HAUS2: variants seen among roughly 807,000 people sequenced by gnomAD.
HAUS2 encodes HAUS augmin-like complex subunit 2.
In HAUS2, 20 loss-of-function variants were observed where a neutral mutation model predicts 21.6. The observed-to-expected ratio is 0.93, with a 90% confidence interval of 0.65 to 1.35. HAUS2 has a LOEUF of 1.35. Ranked by LOEUF, HAUS2 falls within the 40% of genes most tolerant of loss-of-function variation. HAUS2 has a pLI of 0.00. For synonymous variants in HAUS2, 113 were observed against 95.6 expected (o/e 1.18, Z -1.06); for missense variants, 297 against 280.7 (o/e 1.06, Z -0.42).
Position 42,561,318 on chromosome 15 carries a change from T to C in HAUS2, c.305T>C (p.Val102Ala). Residue 102 changes from valine (V) to alanine (A), a missense_variant, in exon 4 of 6, where the codon GTG (valine) becomes GCG (alanine). Transcript: ENST00000260372. ...LQSMNNHLEA[V>A]LKEKRSLRQR... Reference sequence around the variant, plus strand: ...AGCATGAATAATCATTTGGAAGCAGTGCTGAAAGAGAAGAGATCCCTTAGG... The same window carrying C: ...AGCATGAATAATCATTTGGAAGCAGCGCTGAAAGAGAAGAGATCCCTTAGG... 6.4e-7 allele frequency: 1 copy of C among 1,568,124 alleles called. No individual in the cohort carries two copies. Among genetic ancestry groups the C allele is most frequent in the Non-Finnish European group, 8.8e-7 (1 of 1,138,062 alleles).
In HAUS2 at chr15:42,566,912, T is replaced by C; in HGVS notation, c.*96T>C. On this transcript the variant is annotated 3_prime_UTR_variant, in exon 6 of 6. Transcript: ENST00000260372. ...TATTAATAGTCTTTGCTGCTGGTAA[T>C]ACTGAAAGAACCTGCTTTATATTGG... The C allele has an allele frequency of 1.6e-6, 1 of 638,616 alleles. No individual in the cohort carries two copies. The highest frequency in any genetic ancestry group is 1.9e-5 in the South Asian group (1 of 51,872). 39.6% of individuals were successfully genotyped at this position (638,616 alleles called of 1,614,324 possible). A position where few individuals can be genotyped will look rare whatever the true frequency, so the allele number is the denominator to read the frequency against.
intron 2 of HAUS2, among the ~76,000 whole-genome samples, chr15:42,558,736 C>T (rs1181825432): frequency 6.6e-6 from 1 of 151,938 alleles, no homozygotes; most frequent in Non-Finnish European, 1.5e-5. Flanking sequence ...GGTGGGAGGA[C>T]TGCTTGAGCC....
At chr15:42,560,333 G>A (rs1418249044) in intron 3 of HAUS2, among the ~76,000 whole-genome samples, 1 of 151,770 alleles carries the variant, frequency 6.6e-6, no homozygotes, top group East Asian at 1.9e-4. Context: ...ACGTTTTACA[G>A]GTAAAAAATA....
chr15:42,569,925 GTTGT>G lies in HAUS2; in HGVS notation c.*3112_*3115del, dbSNP rs2057944951. On this transcript the variant is annotated 3_prime_UTR_variant, in exon 6 of 6. Transcript: ENST00000260372. ...TATGTCACAAATATTGATATGCCTG[GTTGT>G]TTATTTTTGTTTTCTATTATGCCTT... is the stretch of plus-strand genomic sequence containing the variant. The G allele has an allele frequency of 2.0e-5, 3 of 152,002 alleles. No homozygotes were observed. Among genetic ancestry groups the G allele is most frequent in the Admixed American group, 1.3e-4 (2 of 15,272 alleles). The allele number at this position is 152,002 out of a possible 1,614,324, so 9.4% of individuals were successfully genotyped here.
intron 4 of HAUS2, 184 bp downstream of exon 4, chr15:42,561,586 G>A: frequency 2.1e-6 from 1 of 476,886 alleles, no homozygotes; most frequent in Non-Finnish European, 3.7e-6. Flanking sequence ...ATGGCAAAAA[G>A]GAAGAACTTG....
Position 42,563,771 on chromosome 15 carries a change from T to C in HAUS2, c.412T>C (p.Leu138=), listed in dbSNP as rs373576114. The C allele has an allele frequency of 1.5e-5, 23 of 1,563,102 alleles. No homozygotes were observed. Among genetic ancestry groups the C allele is most frequent in the Non-Finnish European group, 1.9e-5 (22 of 1,137,348 alleles). The part of the protein sequence containing the change: ...YHRYMVHLLE[L]AVTFIERLET... ...CAGATATATGGTACATTTGCTGGAGTTGGCTGTGACTTTCATTGAGAGATT... is the reference window on the plus strand; with the variant it reads ...CAGATATATGGTACATTTGCTGGAGCTGGCTGTGACTTTCATTGAGAGATT... The change falls in exon 5 of 6, where the codon TTG becomes CTG. Residue 138 remains leucine, a synonymous_variant. Transcript: ENST00000260372.
At chr15:42,566,030 G>A (rs2057902125) in intron 5 of HAUS2, among the ~76,000 whole-genome samples, 1 of 152,004 alleles carries the variant, frequency 6.6e-6, no homozygotes, top group African/African-American at 2.4e-5. Context: ...GTGAAACCCC[G>A]TCTCTACTAA....
At position 42,567,119 on chromosome 15, in the gene HAUS2, G is replaced by A. The variant is rs1480247210; in HGVS notation, c.*303G>A. On this transcript the variant is annotated 3_prime_UTR_variant, in exon 6 of 6. Transcript: ENST00000260372. ...CTTTTTTTAAAAATGTGTGTTTATCGTCTGGTGTGGTGGCTCACACCTGTA... is the reference window on the plus strand; with the variant it reads ...CTTTTTTTAAAAATGTGTGTTTATCATCTGGTGTGGTGGCTCACACCTGTA... 12 of 252,770 alleles carry A rather than the reference G, an allele frequency of 4.7e-5. No homozygotes were observed. The highest frequency in any genetic ancestry group is 1.3e-4 in the South Asian group (3 of 22,592). The allele number at this position is 252,770 out of a possible 1,614,324, so 15.7% of individuals were successfully genotyped here. A position where few individuals can be genotyped will look rare whatever the true frequency, so the allele number is the denominator to read the frequency against.
At chr15:42,549,119 G>A (rs1474977372) in intron 1 of HAUS2, among the ~76,000 whole-genome samples, 154 bp downstream of exon 1, 1 of 152,238 alleles carries the variant, frequency 6.6e-6, no homozygotes, top group Non-Finnish European at 1.5e-5. Flanking sequence ...AGCCGCGAAC[G>A]TTCTGCCGTG....
chr15:42,558,666 A>G (rs908562605), intron 2 of HAUS2, among the ~76,000 whole-genome samples: 1 of 151,880 alleles, frequency 6.6e-6, no homozygotes, highest in East Asian at 2.0e-4. Flanking sequence ...GGAAAACAAA[A>G]ACAAAAGTTG....
rs1254187333 is a variant in HAUS2, at chr15:42,563,416, A to C, written c.390-333A>C. On this transcript the variant is annotated intron_variant, in intron 4 of 5. Coordinates refer to ENST00000260372, the MANE Select transcript of HAUS2 (RefSeq NM_018097.3). ...ACATAGCAAGACTCCATCTCAAAAA[A>C]AAAAAAAAAAAAAGAAAAGAAAATG... is the stretch of plus-strand genomic sequence containing the variant. 7.5e-5 allele frequency among the ~76,000 whole-genome samples: 11 copies of C among 146,646 alleles called. No homozygotes were observed. In the East Asian group the frequency reaches 2.1e-3, roughly 28 times the overall value.
chr15:42,560,823 A>G (rs990903029), intron 3 of HAUS2: 3 of 702,034 alleles, frequency 4.3e-6, no homozygotes, highest in Admixed American at 2.0e-5. Context: ...TCTCGAACTC[A>G]TGGCCTCAAT....
chr15:42,557,667 A>G (rs2141597748), intron 1 of HAUS2, among the ~76,000 whole-genome samples: 1 of 151,712 alleles, frequency 6.6e-6, no homozygotes, highest in African/African-American at 2.4e-5. Flanking sequence ...AGAAGGGGTA[A>G]CCTTTTTAAA....
chr15:42,556,791 G>A lies in HAUS2; in HGVS notation c.94-1407G>A, dbSNP rs563556437. Among the ~76,000 whole-genome samples, 3 of 149,808 alleles carry A rather than the reference G, an allele frequency of 2.0e-5. No individual in the cohort carries two copies. In the South Asian group the frequency reaches 6.4e-4, roughly 32 times the overall value. On this transcript the variant is annotated intron_variant, in intron 1 of 5. Coordinates refer to ENST00000260372, the MANE Select transcript of HAUS2 (RefSeq NM_018097.3). ...AGGCTGAGGCGGGTGGATCACCTGA[G>A]GTCAGCAGTTCTAGACCAGCCAGGC...
At chr15:42,565,985 G>C (rs1227404231) in intron 5 of HAUS2, among the ~76,000 whole-genome samples, 1 of 152,020 alleles carries the variant, frequency 6.6e-6, no homozygotes, top group Admixed American at 6.6e-5. Context: ...GGTGGATCAC[G>C]AGGTGAGGAG....
intron 5 of HAUS2, among the ~76,000 whole-genome samples, chr15:42,565,653 C>G (rs114132984): frequency 0.01 from 1,591 of 152,174 alleles, 28 homozygotes; most frequent in African/African-American, 0.037. Flanking sequence ...TCAGGTGATT[C>G]CTGTGCACAT....
chr15:42,560,018 T>C (rs941893888), intron 3 of HAUS2, among the ~76,000 whole-genome samples: 1 of 152,004 alleles, frequency 6.6e-6, no homozygotes, highest in Admixed American at 6.6e-5. Flanking sequence ...TAGCCAGCAT[T>C]GTAGCATGTA....
chr15:42,566,518 C>T, intron 5 of HAUS2, 89 bp from the exon 6 acceptor site: 1 of 750,160 alleles, frequency 1.3e-6, no homozygotes, highest in Non-Finnish European at 2.3e-6. Context: ...GGAAAAAGAT[C>T]ATGTGTTAAC....
intron 5 of HAUS2, among the ~76,000 whole-genome samples, chr15:42,566,200 CAAA>C (rs796423256): frequency 8.4e-6 from 1 of 118,454 alleles, no homozygotes. Flanking sequence ...GACACCATCT[CAAA>C]AAAAAAAAAA....
Sources: allele counts gnomAD v4.1 joint callset (sites outside exome capture counted in the v4.1 genomes callset), GRCh38; gene constraint gnomAD v4.1.1; transcripts MANE v1.5; gene names NCBI Gene and HGNC (gene_info 2026-07-23, HGNC 2026-07-21).